BAG4: variants seen among roughly 807,000 people sequenced by gnomAD.
BAG4 encodes the protein BAG family molecular chaperone regulator 4.
Under a neutral mutation model 52.1 loss-of-function variants are expected in BAG4, and 28 were observed. That is an observed-to-expected ratio of 0.54 (90% CI 0.40 to 0.74). The LOEUF is 0.74. Among genes scored for constraint, BAG4 ranks in the 30% least tolerant of loss-of-function variants. BAG4 has a pLI of 0.00. For synonymous variants in BAG4, 208 were observed against 217.0 expected (o/e 0.96, Z 0.37); for missense variants, 525 against 572.0 (o/e 0.92, Z 0.84).
chr8:38,181,565 C>A (rs1471058484), intron 1 of BAG4, among the ~76,000 whole-genome samples: 1 of 151,320 alleles, frequency 6.6e-6, no homozygotes, highest in Non-Finnish European at 1.5e-5. Context: ...GGTGAAACCC[C>A]GTCTCTACTA....
chr8:38,205,101 G>A lies in BAG4; in HGVS notation c.379-2411G>A, dbSNP rs184640144. On this transcript the variant is annotated intron_variant, in intron 2 of 4. Transcript: ENST00000287322. ...GCTAGAGAACAGTGGCTTGATTATA[G>A]CTCACTGTAACATTGAACTCCTAGG... 1.6e-3 allele frequency among the ~76,000 whole-genome samples: 246 copies of A among 151,602 alleles called. 1 individual carries two copies. Among genetic ancestry groups the A allele is most frequent in the African/African-American group, 5.6e-3 (230 of 41,360 alleles).
chr8:38,209,140 G>C lies in BAG4; in HGVS notation c.761G>C (p.Arg254Pro). The C allele has an allele frequency of 6.2e-7, 1 of 1,614,110 alleles. No homozygotes were observed. Among genetic ancestry groups the C allele is most frequent in the East Asian group, 2.2e-5 (1 of 44,886 alleles). The part of the protein sequence containing the change: ...ASPGAYGMGG[R>P]YPWPSSAPSA... ...CCTGGTGCTTATGGAATGGGTGGCC[G>C]TTATCCCTGGCCTTCATCAGCGCCC... Residue 254 changes from arginine to proline, a missense_variant, in exon 4 of 5, where the codon CGT (arginine) becomes CCT (proline). Arg to Pro is a moderately radical substitution (Grantham distance 103, BLOSUM62 -2). Around this residue, in one of 2 missense-constraint regions of BAG4, gnomAD observed 238 missense variants for 305.8 expected, o/e 0.78. Coordinates refer to ENST00000287322, the MANE Select transcript of BAG4 (RefSeq NM_004874.4).
intron 1 of BAG4, among the ~76,000 whole-genome samples, chr8:38,181,047 TCTC>T (rs1344508051): frequency 6.6e-6 from 1 of 151,632 alleles, no homozygotes; most frequent in African/African-American, 2.4e-5. Context: ...TTCACGCCCT[TCTC>T]CTGCCTCAGC....
At chr8:38,204,377 A>T (rs1803733880) in intron 2 of BAG4, 1 of 152,234 alleles carries the variant, frequency 6.6e-6, no homozygotes, top group African/African-American at 2.4e-5. Flanking sequence ...AAAATTAGCC[A>T]GGCATGGTGG....
chr8:38,205,871 A>C (rs1373265155), intron 2 of BAG4, among the ~76,000 whole-genome samples: 1 of 151,948 alleles, frequency 6.6e-6, no homozygotes, highest in Non-Finnish European at 1.5e-5. Context: ...GAACACGTTG[A>C]GGTGATCATT....
At chr8:38,188,055 A>AG (rs1349466382) in intron 1 of BAG4, among the ~76,000 whole-genome samples, 2 of 150,208 alleles carry the variant, frequency 1.3e-5, no homozygotes, top group East Asian at 3.9e-4. Flanking sequence ...AAAAAAAAAA[A>AG]AAAGGAAGAA....
intron 1 of BAG4, among the ~76,000 whole-genome samples, chr8:38,184,853 G>A (rs1043024202): frequency 2.0e-5 from 3 of 152,212 alleles, no homozygotes; most frequent in African/African-American, 7.2e-5. Context: ...CGCTTTGGGA[G>A]GCTGAGGTGG....
At chr8:38,181,915 A>AAAAAAG (rs1554506184) in intron 1 of BAG4, among the ~76,000 whole-genome samples, 3 of 134,632 alleles carry the variant, frequency 2.2e-5, no homozygotes, top group Non-Finnish European at 3.2e-5. Flanking sequence ...AAAAAAAAAA[A>AAAAAAG]AGGAAGTAAG....
At chr8:38,180,796 C>T (rs1803251232) in intron 1 of BAG4, among the ~76,000 whole-genome samples, 2 of 151,938 alleles carry the variant, frequency 1.3e-5, no homozygotes, top group East Asian at 1.9e-4. Flanking sequence ...ATTAAGATCC[C>T]CAGGTGATTC....
chr8:38,178,732 A>G (rs570185215), intron 1 of BAG4, among the ~76,000 whole-genome samples: 96 of 152,324 alleles, frequency 6.3e-4, no homozygotes, highest in Non-Finnish European at 1.2e-3. Context: ...GATTCCATTT[A>G]TATGAAATGG....
At position 38,177,069 on chromosome 8, in the gene BAG4, G is replaced by A; in HGVS notation, c.200G>A (p.Gly67Glu). The change falls in exon 1 of 5, where the codon GGA becomes GAA. Residue 67 changes from glycine to glutamate, a missense_variant. Physicochemically the swap from Gly to Glu is moderately conservative, Grantham distance 98. Transcript: ENST00000287322. ...PAETTWLGEG[G>E]GGDGYYPSGG... ...GAGACCACCTGGCTGGGAGAAGGCG[G>A]AGGAGGCGATGGCTACTATCCCTCG... 1 of 1,611,856 alleles carries A rather than the reference G, an allele frequency of 6.2e-7. No homozygotes were observed. The highest frequency in any genetic ancestry group is 1.1e-5 in the South Asian group (1 of 90,788).
At chr8:38,181,932 G>C (rs1803281888) in intron 1 of BAG4, among the ~76,000 whole-genome samples, 1 of 121,218 alleles carries the variant, frequency 8.2e-6, no homozygotes, top group South Asian at 2.7e-4. Flanking sequence ...TAAGGGAAAA[G>C]AGTTAGAGTT....
chr8:38,192,591 C>CTT, intron 1 of BAG4, 97 bp from the exon 2 acceptor site: 4 of 904,108 alleles, frequency 4.4e-6, no homozygotes, highest in Non-Finnish European at 4.8e-6. Context: ...TTGTCTATTG[C>CTT]TTTTTTTTTT....
At chr8:38,184,663 G>C (rs1300663247) in intron 1 of BAG4, among the ~76,000 whole-genome samples, 2 of 152,116 alleles carry the variant, frequency 1.3e-5, no homozygotes, top group East Asian at 3.8e-4. Flanking sequence ...AGAAACAGCA[G>C]ACAGGAAGAA....
intron 2 of BAG4, among the ~76,000 whole-genome samples, chr8:38,201,503 A>G (rs1189725676): frequency 6.6e-6 from 1 of 151,786 alleles, no homozygotes; most frequent in Non-Finnish European, 1.5e-5. Flanking sequence ...GGGTCTCATT[A>G]TGTTGCCTAG....
chr8:38,208,502 G>A (rs1803812918), intron 3 of BAG4, among the ~76,000 whole-genome samples: 1 of 149,426 alleles, frequency 6.7e-6, no homozygotes, highest in Non-Finnish European at 1.5e-5. Context: ...TAGTAGAGAT[G>A]GGGTTTCACC....
chr8:38,208,165 T>C lies in BAG4; in HGVS notation c.633+399T>C, dbSNP rs1004206789. Among the ~76,000 whole-genome samples the C allele has an allele frequency of 4.6e-5, 7 of 151,006 alleles. No individual in the cohort carries two copies. In the East Asian group the frequency reaches 1.4e-3, roughly 30 times the overall value. ...CTCATTTTTGTATTTTTAGTAGAGATGGGGTTTCACCATGTTGGCCAGGAT... is the reference window on the plus strand; with the variant it reads ...CTCATTTTTGTATTTTTAGTAGAGACGGGGTTTCACCATGTTGGCCAGGAT... On this transcript the variant is annotated intron_variant, in intron 3 of 4. Transcript: ENST00000287322.
rs576767435 is a variant in BAG4, at chr8:38,209,626, C to T, written c.888+359C>T. On this transcript the variant is annotated intron_variant, in intron 4 of 4. Coordinates refer to ENST00000287322, the MANE Select transcript of BAG4 (RefSeq NM_004874.4). Reference sequence around the variant, plus strand: ...GTAGCATGAGCTTGTATTTAAACCACAGACTTGAACATTATCACTTGTGGC... The same window carrying T: ...GTAGCATGAGCTTGTATTTAAACCATAGACTTGAACATTATCACTTGTGGC... 217 of 361,270 alleles carry T rather than the reference C, an allele frequency of 6.0e-4. 1 individual carries two copies. The highest frequency in any genetic ancestry group is 3.9e-3 in the African/African-American group (187 of 47,546). The allele number at this position is 361,270 out of a possible 1,614,324, so 22.4% of individuals were successfully genotyped here.
rs869085692 is a variant in BAG4, at chr8:38,201,880, A to ATTTT, written c.379-5606_379-5603dup. ...TATATATATATATATATATATATAT[A>ATTTT]TTTTTTTTTTTTTTTTTTTTTTTTT... On this transcript the variant is annotated intron_variant, in intron 2 of 4. Coordinates refer to ENST00000287322, the MANE Select transcript of BAG4 (RefSeq NM_004874.4). The ATTTT allele has an allele frequency of 2.5e-3, 19 of 7,546 alleles. 2 individuals are homozygous for ATTTT. The highest frequency in any genetic ancestry group is 7.7e-3 in the East Asian group (1 of 130). 0.5% of individuals were successfully genotyped at this position (7,546 alleles called of 1,614,324 possible). A position where few individuals can be genotyped will look rare whatever the true frequency, so the allele number is the denominator to read the frequency against.
Sources: gnomAD v4.1 joint callset for allele counts (sites outside exome capture counted in the v4.1 genomes callset) on GRCh38, gnomAD v4.1.1 for gene constraint, gnomAD v4.1.1 regional missense constraint, MANE v1.5 for transcripts, NCBI Gene and HGNC (gene_info 2026-07-23, HGNC 2026-07-21) for gene names.